DAB1: variants seen among roughly 807,000 people sequenced by gnomAD.
DAB1 encodes the protein disabled homolog 1.
Under a neutral mutation model 64.6 loss-of-function variants are expected in DAB1, and 15 were observed. The ratio of observed to expected loss-of-function variants is 0.23; its 90% CI spans 0.16 to 0.36. The LOEUF (loss-of-function observed/expected upper bound fraction) is 0.36, where lower values mean the gene tolerates loss of function less well. Among genes scored for constraint, DAB1 ranks in the 10% least tolerant of loss-of-function variants. The pLI, the probability that DAB1 is intolerant of heterozygous loss-of-function variation, is 1.00. For missense variants in DAB1, 596 were observed against 706.7 expected (o/e 0.84, Z 1.78); for synonymous variants, 235 against 251.9 (o/e 0.93, Z 0.64).
intron 1 of DAB1, among the ~76,000 whole-genome samples, chr1:57,358,007 C>T (rs370094873): frequency 2.6e-5 from 4 of 152,148 alleles, no homozygotes; most frequent in Non-Finnish European, 5.9e-5. Context: ...TTGTATCCTG[C>T]AACTCTACTG....
At chr1:57,659,812 A>G (rs1373099173) in intron 6 of DAB1, among the ~76,000 whole-genome samples, 1 of 151,958 alleles carries the variant, frequency 6.6e-6, no homozygotes, top group East Asian at 1.9e-4. Flanking sequence ...CCCCATCTCT[A>G]CTAAAAATAC....
chr1:58,245,486 T>C (rs1379777574), intron 4 of DAB1, among the ~76,000 whole-genome samples: 2 of 152,112 alleles, frequency 1.3e-5, no homozygotes, highest in Non-Finnish European at 2.9e-5. Flanking sequence ...CTCCATCAAC[T>C]CTTAAGCTCT....
At chr1:58,404,839 G>T (rs1024846771) in intron 3 of DAB1, among the ~76,000 whole-genome samples, 2 of 152,170 alleles carry the variant, frequency 1.3e-5, no homozygotes, top group African/African-American at 4.8e-5. Context: ...CATGTCCAGG[G>T]AGGAGGAGTC....
At chr1:58,048,883 T>G (rs1351113201) in intron 5 of DAB1, 3 of 922,654 alleles carry the variant, frequency 3.3e-6, no homozygotes, top group Non-Finnish European at 5.3e-6. Flanking sequence ...CCTCAGTCAG[T>G]CATGATTTCA....
chr1:57,516,325 A>T (rs1265099867), intron 7 of DAB1, among the ~76,000 whole-genome samples: 2 of 152,060 alleles, frequency 1.3e-5, no homozygotes, highest in Admixed American at 1.3e-4. Flanking sequence ...AAAGGAGATG[A>T]GACACAGGAA....
chr1:57,722,199 GCCC>G (rs1647159673), intron 6 of DAB1, among the ~76,000 whole-genome samples: 1 of 152,092 alleles, frequency 6.6e-6, no homozygotes, highest in African/African-American at 2.4e-5. Flanking sequence ...TTTATGTAAA[GCCC>G]ACAGAGGTAA....
intron 3 of DAB1, among the ~76,000 whole-genome samples, chr1:58,379,128 A>G (rs1262696055): frequency 1.3e-5 from 2 of 151,692 alleles, no homozygotes; most frequent in Non-Finnish European, 2.9e-5. Flanking sequence ...AAATGCAGAA[A>G]TCACCCGTCT....
chr1:57,973,852 G>A (rs1645856374), intron 5 of DAB1, among the ~76,000 whole-genome samples: 1 of 152,018 alleles, frequency 6.6e-6, no homozygotes. Context: ...TCCCTATAGT[G>A]ACTTCTCCAG....
chr1:57,592,472 A>G (rs1645456986), intron 7 of DAB1, among the ~76,000 whole-genome samples: 1 of 152,188 alleles, frequency 6.6e-6, no homozygotes, highest in African/African-American at 2.4e-5. Flanking sequence ...CAATTAACAC[A>G]GATGCCACGT....
At chr1:57,704,651 C>T (rs1316014423) in intron 6 of DAB1, among the ~76,000 whole-genome samples, 1 of 152,114 alleles carries the variant, frequency 6.6e-6, no homozygotes, top group Non-Finnish European at 1.5e-5. Context: ...TATAAGGATG[C>T]ATTTGGTAGA....
At chr1:57,415,975 A>G (rs1051675984) in intron 1 of DAB1, among the ~76,000 whole-genome samples, 2 of 152,222 alleles carry the variant, frequency 1.3e-5, no homozygotes, top group Non-Finnish European at 2.9e-5. Context: ...GCAAGGATAG[A>G]AAACCCTAGG....
At chr1:57,367,811 G>C (rs1387104003) in intron 1 of DAB1, among the ~76,000 whole-genome samples, 1 of 152,056 alleles carries the variant, frequency 6.6e-6, no homozygotes, top group East Asian at 1.9e-4. Flanking sequence ...CAGGCCTCCT[G>C]TTCCATAGAG....
Position 57,533,068 on chromosome 1 carries a change from C to T in DAB1, n.625+116524G>A, listed in dbSNP as rs115954234. 6.9e-3 allele frequency among the ~76,000 whole-genome samples: 1,052 copies of T among 152,076 alleles called. 13 individuals are homozygous for T. The highest frequency in any genetic ancestry group is 7.4e-3 in the Non-Finnish European group (501 of 67,980). On this transcript the variant is annotated intron_variant and non_coding_transcript_variant, in intron 7 of 20. Transcript: ENST00000485760. ...GGTTCTGAACCAGGTTCTCTCACTC[C>T]GGAGACAAAGTTCTCTTTTATCATA... is the stretch of plus-strand genomic sequence containing the variant.
At chr1:58,534,759 A>ACC (rs372010587) in intron 1 of DAB1, among the ~76,000 whole-genome samples, 1,661 of 152,302 alleles carry the variant, frequency 0.011, 32 homozygotes, top group African/African-American at 0.038. Context: ...ACATGGTGAA[A>ACC]CCCCGTCTCT....
intron 6 of DAB1, among the ~76,000 whole-genome samples, chr1:57,764,048 C>T (rs1374145311): frequency 1.3e-5 from 2 of 152,156 alleles, no homozygotes; most frequent in African/African-American, 4.8e-5. Flanking sequence ...TAACGATATT[C>T]TCCTTTTCAT....
chr1:57,788,676 C>T (rs1650449604), intron 6 of DAB1, among the ~76,000 whole-genome samples: 1 of 152,160 alleles, frequency 6.6e-6, no homozygotes, highest in African/African-American at 2.4e-5. Context: ...GACGCCAGCT[C>T]TGTTACTTCC....
chr1:58,520,363 A>T (rs1646243283), intron 2 of DAB1, among the ~76,000 whole-genome samples: 1 of 152,204 alleles, frequency 6.6e-6, no homozygotes, highest in African/African-American at 2.4e-5. Flanking sequence ...CCTACAACTC[A>T]AGAATAAGAA....
rs559624009 is a variant in DAB1, at chr1:57,448,383, G to C, written n.626-157217C>G. Among the ~76,000 whole-genome samples the C allele has an allele frequency of 6.6e-5, 10 of 152,204 alleles. No homozygotes were observed. In the East Asian group the frequency reaches 1.9e-3, roughly 29 times the overall value. ...AAATAAAATACAAAACATTGAAAAA[G>C]TTAAACCAGTTAAGCAACAACACAA... On this transcript the variant is annotated intron_variant and non_coding_transcript_variant, in intron 7 of 20. Transcript: ENST00000485760.
At chr1:58,437,774 G>C (rs570529192) in intron 3 of DAB1, among the ~76,000 whole-genome samples, 1 of 152,346 alleles carries the variant, frequency 6.6e-6, no homozygotes, top group South Asian at 2.1e-4. Flanking sequence ...CACATCCTTT[G>C]AGGAGTAGCA....
Sources: gnomAD v4.1 joint callset for allele counts (sites outside exome capture counted in the v4.1 genomes callset) on GRCh38, gnomAD v4.1.1 for gene constraint, MANE v1.5 for transcripts, NCBI Gene and HGNC (gene_info 2026-07-23, HGNC 2026-07-21) for gene names.